SPAG17: variants seen among roughly 807,000 people sequenced by gnomAD.
The protein encoded by SPAG17 is sperm associated antigen 17.
In SPAG17, 169 loss-of-function variants were observed where a neutral mutation model predicts 273.6. The observed-to-expected ratio is 0.62, with a 90% CI of 0.55 to 0.70. SPAG17 has a LOEUF of 0.70. Among genes scored for constraint, SPAG17 ranks in the 30% least tolerant of loss-of-function variants. The probability of loss-of-function intolerance (pLI) is 0.00; values close to 1 mark genes in which losing one functional copy is unlikely to be tolerated. For synonymous variants in SPAG17, 825 were observed against 873.2 expected (o/e 0.94, Z 0.97); for missense variants, 2,557 against 2,627.8 (o/e 0.97, Z 0.59).
chr1:118,026,159 T>C (rs999606995), intron 26 of SPAG17, among the ~76,000 whole-genome samples: 1 of 152,176 alleles, frequency 6.6e-6, no homozygotes, highest in African/African-American at 2.4e-5. Flanking sequence ...CTTTCCTAAG[T>C]CATCTGTCAT....
Position 117,984,678 on chromosome 1 carries a change from A to G in SPAG17, c.5769+5T>C, listed in dbSNP as rs1040265312. Reference sequence around the variant, plus strand: ...ATTAGATTATAGTTCATTATATTCAATTACCTGAGACTGATATAACTGGTT... The same window carrying G: ...ATTAGATTATAGTTCATTATATTCAGTTACCTGAGACTGATATAACTGGTT... On this transcript the variant is annotated splice_donor_5th_base_variant and intron_variant, in intron 41 of 48. Transcript: ENST00000336338. 5 of 1,553,526 alleles carry G rather than the reference A, an allele frequency of 3.2e-6. No individual in the cohort carries two copies. The highest frequency in any genetic ancestry group is 2.7e-5 in the African/African-American group (2 of 73,308).
chr1:118,020,046 A>C (rs1444675544), intron 28 of SPAG17, among the ~76,000 whole-genome samples: 1 of 152,236 alleles, frequency 6.6e-6, no homozygotes, highest in African/African-American at 2.4e-5. Flanking sequence ...AGTGTGGAAA[A>C]AGTTATACCG....
At chr1:117,994,615 C>A in intron 34 of SPAG17, 85 bp from the exon 35 acceptor site, 2 of 1,411,186 alleles carry the variant, frequency 1.4e-6, no homozygotes, top group Non-Finnish European at 1.9e-6. Context: ...ATTCAACAAG[C>A]TCTTTTTGAA....
Position 117,972,058 on chromosome 1 carries a change from A to G in SPAG17, c.6142-11T>C, listed in dbSNP as rs1654620646. ...AACAGAATCTTGCACCTTTGCATTA[A>G]GAAAAAATTAATAAAATGGTTCTAT... is the stretch of plus-strand genomic sequence containing the variant. On this transcript the variant is annotated splice_polypyrimidine_tract_variant and intron_variant, in intron 44 of 48. Coordinates refer to ENST00000336338, the MANE Select transcript of SPAG17 (RefSeq NM_206996.4). 2.5e-6 allele frequency: 4 copies of G among 1,591,010 alleles called. No homozygotes were observed. In the Admixed American group the frequency reaches 5.5e-5, roughly 22 times the overall value.
Position 118,031,177 on chromosome 1 carries a change from C to CTTT in SPAG17, c.3609+512_3609+514dup, listed in dbSNP as rs1015324627. 8.0e-3 allele frequency among the ~76,000 whole-genome samples: 440 copies of CTTT among 54,768 alleles called. 5 individuals carry two copies. The highest frequency in any genetic ancestry group is 0.016 in the African/African-American group (204 of 12,476). The allele number at this position is 54,768 out of a possible 152,430, so 35.9% of individuals were successfully genotyped here. A position where few individuals can be genotyped will look rare whatever the true frequency, so the allele number is the denominator to read the frequency against. ...GGCTAGGGGTAATAGGAGGACTACT[C>CTTT]TTTTTTTTTTTTTTTTTTTTTTTTT... On this transcript the variant is annotated intron_variant, in intron 25 of 48. Coordinates refer to ENST00000336338, the MANE Select transcript of SPAG17 (RefSeq NM_206996.4).
chr1:118,154,300 G>A (rs1355157704), intron 1 of SPAG17, among the ~76,000 whole-genome samples: 2 of 152,132 alleles, frequency 1.3e-5, no homozygotes, highest in Non-Finnish European at 2.9e-5. Flanking sequence ...TCAGAGTTAT[G>A]GTTTAGTGTC....
rs1186710025 is a variant in SPAG17, at chr1:118,115,409, A to T, written c.348T>A (p.Ser116Arg). The change falls in exon 4 of 49, where the codon AGT becomes AGA. Residue 116 changes from serine (S) to arginine (R), a missense_variant. Transcript: ENST00000336338. ...TCAGTGGTAAGGTTAATTTCTCTCCACTATCCATAATTGCTTTTGCTGCCG... is the reference window on the plus strand; with the variant it reads ...TCAGTGGTAAGGTTAATTTCTCTCCTCTATCCATAATTGCTTTTGCTGCCG... ...VLTAAKAIMDSGEKLTLPLIG... is the reference protein window; with the variant it reads ...VLTAAKAIMDRGEKLTLPLIG... The T allele has an allele frequency of 6.2e-7, 1 of 1,613,570 alleles. No homozygotes were observed. The highest frequency in any genetic ancestry group is 2.2e-5 in the East Asian group (1 of 44,872).
At chr1:117,970,021 G>A (rs373561700) in intron 46 of SPAG17, 35 bp downstream of exon 46, 18 of 1,600,228 alleles carry the variant, frequency 1.1e-5, no homozygotes, top group East Asian at 4.5e-5. Flanking sequence ...TTGCATGCAC[G>A]CAAGCACACA....
chr1:117,957,037 G>A (rs372283184), intron 48 of SPAG17: 8 of 1,529,740 alleles, frequency 5.2e-6, no homozygotes, highest in South Asian at 1.3e-5. Flanking sequence ...TAACAAATGT[G>A]GCATTTTTAT....
intron 7 of SPAG17, among the ~76,000 whole-genome samples, chr1:118,095,183 G>A (rs1655628125): frequency 6.6e-6 from 1 of 152,190 alleles, no homozygotes; most frequent in South Asian, 2.1e-4. Flanking sequence ...TTAAAAGGAA[G>A]TGATTAAAAT....
At position 118,059,659 on chromosome 1, in the gene SPAG17, T is replaced by TGTCATTATATAATGATGTA. The variant is rs1447934118; in HGVS notation, c.2541-3764_2541-3746dup. On this transcript the variant is annotated intron_variant, in intron 18 of 48. Coordinates refer to ENST00000336338, the MANE Select transcript of SPAG17 (RefSeq NM_206996.4). ...GTCTATCTCCTTGGAGAACTGACCT[T>TGTCATTATATAATGATGTA]GTCATTATATAATGATGTAGTCATT... Among the ~76,000 whole-genome samples the TGTCATTATATAATGATGTA allele has an allele frequency of 3.9e-5, 6 of 152,266 alleles. No homozygotes were observed. In the East Asian group the frequency reaches 9.6e-4, roughly 24 times the overall value.
chr1:118,113,156 CAATT>C (rs533454732), intron 4 of SPAG17, among the ~76,000 whole-genome samples: 54 of 151,208 alleles, frequency 3.6e-4, no homozygotes, highest in Non-Finnish European at 7.2e-4. Flanking sequence ...CAGAGGTAAG[CAATT>C]AATTAACATT....
intron 48 of SPAG17, chr1:117,959,841 T>G (rs1652786959): frequency 6.5e-6 from 1 of 154,854 alleles, no homozygotes; most frequent in Admixed American, 6.5e-5. Context: ...TTTATTTATA[T>G]TAGGTTTTAC....
At chr1:118,099,585 G>T (rs994920494) in intron 6 of SPAG17, 21 bp downstream of exon 6, 1 of 1,609,908 alleles carries the variant, frequency 6.2e-7, no homozygotes, top group African/African-American at 1.3e-5. Context: ...GACTCAGTAA[G>T]TTGTGTAGCA....
chr1:117,970,375 G>A (rs769971659), intron 45 of SPAG17, among the ~76,000 whole-genome samples: 4 of 152,190 alleles, frequency 2.6e-5, no homozygotes, highest in Admixed American at 6.5e-5. Context: ...GGTTGCTGAC[G>A]AGCAGCCCAG....
chr1:118,147,416 T>G (rs1659072290), intron 3 of SPAG17, among the ~76,000 whole-genome samples: 1 of 152,152 alleles, frequency 6.6e-6, no homozygotes, highest in Non-Finnish European at 1.5e-5. Context: ...TCCTCATTAT[T>G]AAATAATAAT....
chr1:117,954,459 G>GT, intron 48 of SPAG17: 1 of 947,390 alleles, frequency 1.1e-6, no homozygotes, highest in Non-Finnish European at 1.6e-6. Context: ...CACTCTGTCA[G>GT]TTTTTTAGGG....
At chr1:118,147,264 G>A (rs1279478602) in intron 3 of SPAG17, among the ~76,000 whole-genome samples, 1 of 152,072 alleles carries the variant, frequency 6.6e-6, no homozygotes, top group Admixed American at 6.6e-5. Flanking sequence ...GTGCTTTAAC[G>A]AGTATGTTTG....
chr1:117,988,246 A>G, intron 38 of SPAG17, 42 bp from the exon 39 acceptor site: 2 of 1,398,076 alleles, frequency 1.4e-6, no homozygotes, highest in East Asian at 4.8e-5. Flanking sequence ...CCACTTCTTT[A>G]TAGGGCAACA....
Sources: gnomAD v4.1 joint callset for allele counts (sites outside exome capture counted in the v4.1 genomes callset) on GRCh38, gnomAD v4.1.1 for gene constraint, MANE v1.5 for transcripts, NCBI Gene and HGNC (gene_info 2026-07-23, HGNC 2026-07-21) for gene names.